The following PACSIN2 variants were observed in gnomAD, a reference collection of about 807,000 sequenced individuals.
PACSIN2 encodes the protein protein kinase C and casein kinase substrate in neurons protein 2.
A neutral mutation model predicts 63.8 loss-of-function variants in PACSIN2; 25 were observed. The observed-to-expected ratio is 0.39, with a 90% CI of 0.29 to 0.55. PACSIN2 has a LOEUF of 0.55. PACSIN2 is among the 20% of genes least tolerant of loss of function. The probability of loss-of-function intolerance (pLI) is 0.62; values close to 1 mark genes in which losing one functional copy is unlikely to be tolerated. For synonymous variants in PACSIN2, 255 were observed against 256.2 expected, an observed-to-expected ratio of 1.00 and a Z score of 0.05; for missense variants, 518 against 646.9, an observed-to-expected ratio of 0.80 and a Z score of 2.16.
chr22:42,925,202 CG>C (rs1302981473), intron 1 of PACSIN2, among the ~76,000 whole-genome samples: 1 of 149,566 alleles, frequency 6.7e-6, no homozygotes, highest in Non-Finnish European at 1.5e-5. Flanking sequence ...GCTCTAGGGC[CG>C]GGGCGGTGGC....
intron 1 of PACSIN2, among the ~76,000 whole-genome samples, chr22:42,971,837 G>A (rs545875794): frequency 2.0e-4 from 6 of 29,596 alleles, no homozygotes; most frequent in East Asian, 4.4e-3. Flanking sequence ...AGCCCCGTCC[G>A]GGAGGGAGGT....
At chr22:42,922,789 G>C (rs537897837) in intron 1 of PACSIN2, among the ~76,000 whole-genome samples, 2 of 152,330 alleles carry the variant, frequency 1.3e-5, no homozygotes, top group South Asian at 4.1e-4. Context: ...GGCAGACTGG[G>C]TCCCTGCCCT....
At chr22:42,925,728 G>A (rs989319747) in intron 1 of PACSIN2, among the ~76,000 whole-genome samples, 3 of 152,190 alleles carry the variant, frequency 2.0e-5, no homozygotes, top group Admixed American at 6.5e-5. Flanking sequence ...GAATTCTTTC[G>A]TAAACACTAC....
chr22:42,951,840 G>C (rs990452713), intron 1 of PACSIN2, among the ~76,000 whole-genome samples: 2 of 149,822 alleles, frequency 1.3e-5, no homozygotes, highest in South Asian at 4.1e-4. Flanking sequence ...TCCAGCGCCA[G>C]TCTCGCTCCT....
intron 1 of PACSIN2, among the ~76,000 whole-genome samples, chr22:42,955,763 G>GT (rs1241835589): frequency 1.3e-5 from 2 of 152,214 alleles, no homozygotes; most frequent in Admixed American, 6.5e-5. Flanking sequence ...TGAACCTGAG[G>GT]TGACCGTCCC....
chr22:43,004,671 G>A (rs528025365), intron 1 of PACSIN2, among the ~76,000 whole-genome samples: 83 of 152,326 alleles, frequency 5.4e-4, no homozygotes, highest in Non-Finnish European at 1.1e-3. Context: ...ACATGAAAAT[G>A]CTCACAAACT....
At chr22:42,959,411 T>A (rs1285685318) in intron 1 of PACSIN2, among the ~76,000 whole-genome samples, 4 of 152,224 alleles carry the variant, frequency 2.6e-5, no homozygotes, top group African/African-American at 7.2e-5. Flanking sequence ...CTAAAGTATG[T>A]CAGCTACTCT....
intron 1 of PACSIN2, among the ~76,000 whole-genome samples, chr22:42,964,905 C>G (rs986007200): frequency 5.9e-5 from 9 of 152,022 alleles, no homozygotes; most frequent in African/African-American, 2.2e-4. Context: ...AGACCCATGG[C>G]TTGGATAAAA....
intron 1 of PACSIN2, among the ~76,000 whole-genome samples, chr22:42,974,254 C>G (rs6002991): frequency 0.61 from 92,335 of 152,074 alleles, 28,594 homozygotes; most frequent in East Asian, 0.75. Flanking sequence ...CCACCAAGGG[C>G]CTGGCGCCTG....
intron 1 of PACSIN2, among the ~76,000 whole-genome samples, chr22:42,925,603 A>C (rs1275252360): frequency 1.3e-5 from 2 of 152,228 alleles, no homozygotes; most frequent in African/African-American, 4.8e-5. Context: ...TGCTGGATGA[A>C]TTCAGGACAA....
chr22:42,985,947 G>A (rs865985610), intron 1 of PACSIN2, among the ~76,000 whole-genome samples: 1 of 122,650 alleles, frequency 8.2e-6, no homozygotes, highest in African/African-American at 3.1e-5. Context: ...TAGAGCCACC[G>A]GCCACTTGGC....
intron 1 of PACSIN2, among the ~76,000 whole-genome samples, chr22:43,014,092 A>G (rs1181594028): frequency 6.6e-6 from 1 of 152,114 alleles, no homozygotes. Context: ...GCCGAAACCC[A>G]ATGAATCAAT....
intron 1 of PACSIN2, among the ~76,000 whole-genome samples, chr22:42,918,819 G>A (rs1308881121): frequency 3.9e-5 from 6 of 152,176 alleles, no homozygotes; most frequent in Non-Finnish European, 8.8e-5. Flanking sequence ...GGCCTGTCAG[G>A]AAGTACTACT....
chr22:42,908,840 A>G (rs1375425203), intron 2 of PACSIN2, among the ~76,000 whole-genome samples: 1 of 152,114 alleles, frequency 6.6e-6, no homozygotes, highest in East Asian at 1.9e-4. Flanking sequence ...ACTCAGCCAC[A>G]GGCCTCCTCT....
chr22:42,894,023 G>T lies in PACSIN2; in HGVS notation c.61-410C>A, dbSNP rs543875163. Among the ~76,000 whole-genome samples the T allele has an allele frequency of 1.3e-4, 20 of 152,240 alleles. No individual in the cohort carries two copies. In the South Asian group the frequency reaches 2.5e-3, roughly 19 times the overall value. ...TCTGCTTTGATGTCATCCATCATGT[G>T]CTGGGTTATTACTTCCCAATCATAG... On this transcript the variant is annotated intron_variant, in intron 2 of 10. Coordinates refer to ENST00000263246, the MANE Select transcript of PACSIN2 (RefSeq NM_001184970.3).
chr22:43,009,002 C>T (rs1313068018), intron 1 of PACSIN2, among the ~76,000 whole-genome samples: 1 of 97,784 alleles, frequency 1.0e-5, no homozygotes, highest in Non-Finnish European at 2.0e-5. Flanking sequence ...GTAGCCTTTT[C>T]ACATACAGAA....
chr22:42,922,206 G>A (rs960027844), intron 1 of PACSIN2, among the ~76,000 whole-genome samples: 5 of 152,220 alleles, frequency 3.3e-5, no homozygotes, highest in Non-Finnish European at 7.3e-5. Flanking sequence ...AACAGAGGTT[G>A]CTAAGGTGAC....
At chr22:42,893,890 C>T (rs1158254578) in intron 2 of PACSIN2, among the ~76,000 whole-genome samples, 4 of 152,058 alleles carry the variant, frequency 2.6e-5, no homozygotes, top group East Asian at 3.9e-4. Flanking sequence ...GGAAGGGAGG[C>T]TGACTGGCTC....
At chr22:42,990,026 GTA>G (rs1261440429) in intron 1 of PACSIN2, among the ~76,000 whole-genome samples, 1 of 23,438 alleles carries the variant, frequency 4.3e-5, no homozygotes, top group African/African-American at 2.8e-4. Context: ...ACACACATAT[GTA>G]TATATATGTA....
Sources: allele counts gnomAD v4.1 joint callset (sites outside exome capture counted in the v4.1 genomes callset), GRCh38; gene constraint gnomAD v4.1.1; transcripts MANE v1.5; gene names NCBI Gene and HGNC (gene_info 2026-07-23, HGNC 2026-07-21).